TBC1D5: variants seen among roughly 807,000 people sequenced by gnomAD.
TBC1D5 encodes TBC1 domain family member 5.
Under a neutral mutation model 100.3 loss-of-function variants are expected in TBC1D5, and 75 were observed. The observed-to-expected ratio is 0.75, with a 90% CI of 0.62 to 0.91. The LOEUF (loss-of-function observed/expected upper bound fraction) is 0.91, where lower values mean the gene tolerates loss of function less well. Among genes scored for constraint, TBC1D5 ranks in the 40% least tolerant of loss-of-function variants. The pLI, the probability that TBC1D5 is intolerant of heterozygous loss-of-function variation, is 0.00. For synonymous variants in TBC1D5, 323 were observed against 325.6 expected, an observed-to-expected ratio of 0.99 and a Z score of 0.09; for missense variants, 910 against 942.4, an observed-to-expected ratio of 0.97 and a Z score of 0.45.
chr3:17,529,127 C>A (rs986937359), intron 2 of TBC1D5, among the ~76,000 whole-genome samples: 4 of 152,136 alleles, frequency 2.6e-5, no homozygotes, highest in African/African-American at 9.7e-5. Flanking sequence ...CCTATTGAAA[C>A]CCCTTCGATG....
chr3:17,670,808 G>A (rs1221261348), intron 1 of TBC1D5, among the ~76,000 whole-genome samples: 1 of 152,130 alleles, frequency 6.6e-6, no homozygotes, highest in African/African-American at 2.4e-5. Flanking sequence ...AAAACAATGA[G>A]GAAAAGCAAC....
intron 1 of TBC1D5, among the ~76,000 whole-genome samples, chr3:17,700,270 A>G (rs1281421180): frequency 6.6e-6 from 1 of 152,166 alleles, no homozygotes; most frequent in Non-Finnish European, 1.5e-5. Flanking sequence ...AAAACTGGCT[A>G]GCCATATGGA....
At chr3:17,214,480 C>G (rs542213662) in intron 17 of TBC1D5, 110 bp from the exon 19 acceptor site, 2 of 1,096,678 alleles carry the variant, frequency 1.8e-6, no homozygotes, top group Admixed American at 2.7e-5. Context: ...TAGGTTGATA[C>G]TATCAACATA....
intron 16 of TBC1D5, among the ~76,000 whole-genome samples, chr3:17,257,056 T>G (rs1422086655): frequency 6.6e-6 from 1 of 152,072 alleles, no homozygotes; most frequent in Non-Finnish European, 1.5e-5. Context: ...AGGAAAGGGC[T>G]TCAGGAAGAA....
intron 2 of TBC1D5, among the ~76,000 whole-genome samples, chr3:17,533,889 CAGAT>C (rs575715302): frequency 4.4e-4 from 67 of 151,936 alleles, no homozygotes; most frequent in African/African-American, 8.9e-4. Flanking sequence ...ACCTATCATT[CAGAT>C]AGATAGATAG....
intron 2 of TBC1D5, among the ~76,000 whole-genome samples, chr3:17,616,369 G>A (rs1231392413): frequency 6.6e-6 from 1 of 151,922 alleles, no homozygotes; most frequent in African/African-American, 2.4e-5. Context: ...ATTCTGTTGA[G>A]TTGGGGTGGA....
intron 1 of TBC1D5, among the ~76,000 whole-genome samples, chr3:17,706,694 A>G (rs923335029): frequency 3.9e-5 from 6 of 152,100 alleles, no homozygotes; most frequent in African/African-American, 2.4e-5. Context: ...GACTTATATA[A>G]TTAGAAGTCA....
chr3:17,332,892 T>C (rs761325038), intron 13 of TBC1D5, among the ~76,000 whole-genome samples: 3 of 152,036 alleles, frequency 2.0e-5, no homozygotes, highest in East Asian at 1.9e-4. Context: ...AGTTGAAGAA[T>C]TGGAAATTTT....
chr3:17,704,323 T>C (rs1423794562), intron 1 of TBC1D5, among the ~76,000 whole-genome samples: 2 of 151,210 alleles, frequency 1.3e-5, no homozygotes, highest in Admixed American at 1.3e-4. Flanking sequence ...GTCTACTTCT[T>C]TCTACACAGA....
intron 2 of TBC1D5, among the ~76,000 whole-genome samples, chr3:17,528,720 C>T (rs558637613): frequency 6.6e-6 from 1 of 152,160 alleles, no homozygotes; most frequent in South Asian, 2.1e-4. Context: ...AGTAAGCACC[C>T]AAAGCCAGAA....
At chr3:17,420,626 C>T (rs1327594133) in intron 4 of TBC1D5, among the ~76,000 whole-genome samples, 1 of 152,072 alleles carries the variant, frequency 6.6e-6, no homozygotes, top group African/African-American at 2.4e-5. Context: ...AACCCTAATT[C>T]TATGCATTAT....
chr3:17,539,640 A>G (rs977163000), intron 2 of TBC1D5, among the ~76,000 whole-genome samples: 3 of 152,214 alleles, frequency 2.0e-5, no homozygotes, highest in Non-Finnish European at 4.4e-5. Context: ...AAGACAGAGT[A>G]TAATGGGGAA....
intron 3 of TBC1D5, among the ~76,000 whole-genome samples, chr3:17,463,277 T>C (rs2095246537): frequency 6.6e-6 from 1 of 152,222 alleles, no homozygotes; most frequent in African/African-American, 2.4e-5. Flanking sequence ...TAGGAAAGCA[T>C]GGACTAGGTG....
chr3:17,368,438 C>A (rs1422162907), intron 13 of TBC1D5, among the ~76,000 whole-genome samples: 1 of 151,936 alleles, frequency 6.6e-6, no homozygotes, highest in Non-Finnish European at 1.5e-5. Context: ...ACAAATATAA[C>A]CATAATACAG....
At chr3:17,696,933 T>C (rs112739058) in intron 1 of TBC1D5, among the ~76,000 whole-genome samples, 1 of 152,208 alleles carries the variant, frequency 6.6e-6, no homozygotes, top group Admixed American at 6.5e-5. Flanking sequence ...ACCCCTGGGA[T>C]GCAAGGCTGA....
chr3:17,195,951 GT>G (rs1250682187), intron 18 of TBC1D5, among the ~76,000 whole-genome samples: 15 of 152,208 alleles, frequency 9.9e-5, no homozygotes, highest in African/African-American at 3.4e-4. Flanking sequence ...TAAGTGGTTG[GT>G]AAATGCTGCT....
intron 3 of TBC1D5, among the ~76,000 whole-genome samples, chr3:17,466,642 C>A (rs1163532776): frequency 6.6e-6 from 1 of 152,162 alleles, no homozygotes; most frequent in South Asian, 2.1e-4. Context: ...GATAGGCTGG[C>A]TGTAATTTCC....
At chr3:17,518,206 G>A (rs2096015781) in intron 2 of TBC1D5, among the ~76,000 whole-genome samples, 1 of 152,098 alleles carries the variant, frequency 6.6e-6, no homozygotes, top group Non-Finnish European at 1.5e-5. Context: ...CCTTCAAGCC[G>A]AAATGCCTGA....
intron 16 of TBC1D5, among the ~76,000 whole-genome samples, chr3:17,255,128 G>T (rs1316716965): frequency 6.6e-6 from 1 of 152,176 alleles, no homozygotes; most frequent in Admixed American, 6.5e-5. Context: ...GTGTGGGGTT[G>T]GGGCTGTTCC....
Sources: allele counts gnomAD v4.1 joint callset (sites outside exome capture counted in the v4.1 genomes callset), GRCh38; gene constraint gnomAD v4.1.1; transcripts MANE v1.5; gene names NCBI Gene and HGNC (gene_info 2026-07-23, HGNC 2026-07-21).